The following LHFPL3 variants were observed in gnomAD, a reference collection of about 807,000 sequenced individuals.
The protein encoded by LHFPL3 is LHFPL tetraspan subfamily member 3 protein.
In LHFPL3, 5 loss-of-function variants were observed where a neutral mutation model predicts 19.3. The observed-to-expected ratio is 0.26, with a 90% CI of 0.14 to 0.54. The LOEUF (loss-of-function observed/expected upper bound fraction) is 0.54, where lower values mean the gene tolerates loss of function less well. Ranked by LOEUF, LHFPL3 falls within the 20% of genes least tolerant of loss-of-function variation. The probability of loss-of-function intolerance (pLI) is 0.94; values close to 1 mark genes in which losing one functional copy is unlikely to be tolerated. For synonymous variants in LHFPL3, 133 were observed against 126.2 expected (o/e 1.05, Z -0.36); for missense variants, 249 against 307.4 (o/e 0.81, Z 1.42).
intron 1 of LHFPL3, among the ~76,000 whole-genome samples, chr7:104,383,998 G>A (rs1302800313): frequency 1.3e-5 from 2 of 152,150 alleles, no homozygotes; most frequent in Non-Finnish European, 2.9e-5. Flanking sequence ...ACTATTAGCC[G>A]CCTGGTTTTT....
intron 2 of LHFPL3, among the ~76,000 whole-genome samples, chr7:104,862,504 T>TA (rs1311306377): frequency 6.6e-6 from 1 of 152,220 alleles, no homozygotes; most frequent in Non-Finnish European, 1.5e-5. Flanking sequence ...GATGCTCTGA[T>TA]AGAGCTGCAT....
At chr7:104,612,712 A>G (rs1354478024) in intron 1 of LHFPL3, among the ~76,000 whole-genome samples, 1 of 152,168 alleles carries the variant, frequency 6.6e-6, no homozygotes. Context: ...TTAATCATGT[A>G]ATTGTGGGCC....
chr7:104,747,787 G>T (rs1794077693), intron 2 of LHFPL3, among the ~76,000 whole-genome samples: 1 of 152,084 alleles, frequency 6.6e-6, no homozygotes, highest in Non-Finnish European at 1.5e-5. Flanking sequence ...TAATTTTCAG[G>T]TAGTAGCTAT....
intron 2 of LHFPL3, among the ~76,000 whole-genome samples, chr7:104,830,929 GTCCTGGTCGGTTTACACCTGCT>G (rs1170346210): frequency 6.6e-6 from 1 of 151,836 alleles, no homozygotes; most frequent in Non-Finnish European, 1.5e-5. Context: ...GCCTGGGACA[GTCCTGGTCGGTTTACACCTGCT>G]GGCTTGACAT....
chr7:104,523,300 G>T (rs1355324666), intron 1 of LHFPL3, among the ~76,000 whole-genome samples: 1 of 151,964 alleles, frequency 6.6e-6, no homozygotes, highest in Non-Finnish European at 1.5e-5. Context: ...TGACAAATTT[G>T]TCTGTGGACT....
chr7:104,603,473 C>A (rs1791026647), intron 1 of LHFPL3, among the ~76,000 whole-genome samples: 1 of 152,196 alleles, frequency 6.6e-6, no homozygotes, highest in South Asian at 2.1e-4. Flanking sequence ...CCTCAAAATG[C>A]AAAATACATT....
intron 1 of LHFPL3, among the ~76,000 whole-genome samples, chr7:104,404,551 A>C (rs1333694406): frequency 1.3e-5 from 2 of 152,210 alleles, no homozygotes; most frequent in Non-Finnish European, 2.9e-5. Context: ...GTTACTGACA[A>C]ATCACAGTCA....
At chr7:104,642,962 A>G (rs374972482) in intron 1 of LHFPL3, among the ~76,000 whole-genome samples, 7 of 152,256 alleles carry the variant, frequency 4.6e-5, no homozygotes, top group African/African-American at 1.7e-4. Flanking sequence ...AGTTTTACAA[A>G]GTTAAAAGCT....
At chr7:104,599,592 G>T (rs1790925915) in intron 1 of LHFPL3, among the ~76,000 whole-genome samples, 1 of 152,058 alleles carries the variant, frequency 6.6e-6, no homozygotes, top group African/African-American at 2.4e-5. Context: ...CTTTTATATT[G>T]CCAGGGATAC....
intron 1 of LHFPL3, among the ~76,000 whole-genome samples, chr7:104,444,162 C>T (rs918815831): frequency 1.3e-5 from 2 of 152,188 alleles, no homozygotes; most frequent in Non-Finnish European, 2.9e-5. Context: ...AGGGTAGATA[C>T]CAGCCAGGGG....
At chr7:104,546,383 T>C (rs1794578618) in intron 1 of LHFPL3, among the ~76,000 whole-genome samples, 1 of 152,190 alleles carries the variant, frequency 6.6e-6, no homozygotes, top group Non-Finnish European at 1.5e-5. Flanking sequence ...CCTTGATACA[T>C]AGCCAAGACT....
At chr7:104,684,861 C>G (rs940871223) in intron 1 of LHFPL3, among the ~76,000 whole-genome samples, 6 of 152,228 alleles carry the variant, frequency 3.9e-5, no homozygotes, top group African/African-American at 1.4e-4. Context: ...TTTGAAAACT[C>G]TGCCCAGTGG....
intron 1 of LHFPL3, among the ~76,000 whole-genome samples, chr7:104,543,903 T>TATAATAATAATAATAATA (rs199906129): frequency 6.9e-6 from 1 of 145,378 alleles, no homozygotes; most frequent in African/African-American, 2.6e-5. Flanking sequence ...TACCCCAAAA[T>TATAATAATAATAATAATA]ATAATAATAA....
At chr7:104,711,383 G>A (rs973125893) in intron 1 of LHFPL3, among the ~76,000 whole-genome samples, 1 of 152,204 alleles carries the variant, frequency 6.6e-6, no homozygotes, top group Non-Finnish European at 1.5e-5. Context: ...TAGCAAGACT[G>A]GGATTAGTCA....
intron 2 of LHFPL3, among the ~76,000 whole-genome samples, chr7:104,772,504 A>ACACAGCAGT (rs1371424694): frequency 6.6e-6 from 1 of 152,154 alleles, no homozygotes; most frequent in Non-Finnish European, 1.5e-5. Context: ...ACCGGATCCT[A>ACACAGCAGT]CACAGCAGTC....
At chr7:104,736,632 T>C in intron 1 of LHFPL3, 43 bp from the exon 2 acceptor site, 2 of 1,306,686 alleles carry the variant, frequency 1.5e-6, no homozygotes, top group Non-Finnish European at 2.2e-6. Flanking sequence ...ATTTATTGAC[T>C]TATCTTTTTT....
At chr7:104,557,664 ATTT>A (rs1336098204) in intron 1 of LHFPL3, among the ~76,000 whole-genome samples, 1 of 151,410 alleles carries the variant, frequency 6.6e-6, no homozygotes, top group Non-Finnish European at 1.5e-5. Flanking sequence ...TTTATTTTTT[ATTT>A]TTATTTTTAT....
At chr7:104,743,047 G>A (rs1207720264) in intron 2 of LHFPL3, among the ~76,000 whole-genome samples, 1 of 152,118 alleles carries the variant, frequency 6.6e-6, no homozygotes, top group East Asian at 1.9e-4. Flanking sequence ...CTTGAACCTG[G>A]GAGGCAGAGG....
chr7:104,782,430 A>T (rs1202377012), intron 2 of LHFPL3, among the ~76,000 whole-genome samples: 1 of 152,110 alleles, frequency 6.6e-6, no homozygotes, highest in Non-Finnish European at 1.5e-5. Context: ...ATAGACCCCA[A>T]CTCTGAGTGG....
Sources: allele counts gnomAD v4.1 joint callset (sites outside exome capture counted in the v4.1 genomes callset), GRCh38; gene constraint gnomAD v4.1.1; transcripts MANE v1.5; gene names NCBI Gene and HGNC (gene_info 2026-07-23, HGNC 2026-07-21).